The following EPM2A variants were observed in gnomAD, a reference collection of about 807,000 sequenced individuals.
EPM2A encodes the protein EPM2A glucan phosphatase, laforin, also known as laforin.
Under a neutral mutation model 26.5 loss-of-function variants are expected in EPM2A, and 21 were observed. The ratio of observed to expected loss-of-function variants is 0.79; its 90% CI spans 0.56 to 1.14. The LOEUF (loss-of-function observed/expected upper bound fraction) is 1.14, where lower values mean the gene tolerates loss of function less well. Ranked by LOEUF, EPM2A falls within the 50% of genes most tolerant of loss-of-function variation. EPM2A has a pLI of 0.00. For synonymous variants in EPM2A, 217 were observed against 177.6 expected (o/e 1.22, Z -1.76); for missense variants, 458 against 440.8 (o/e 1.04, Z -0.35).
At chr6:145,432,620 T>A (rs1371163393) in intron 4 of EPM2A, among the ~76,000 whole-genome samples, 2 of 151,886 alleles carry the variant, frequency 1.3e-5, no homozygotes, top group African/African-American at 4.8e-5. Flanking sequence ...ACAGTTCAAG[T>A]AGGTTTAGTG....
chr6:145,506,807 C>T (rs891447762), intron 2 of EPM2A, among the ~76,000 whole-genome samples: 3 of 152,186 alleles, frequency 2.0e-5, no homozygotes, highest in Non-Finnish European at 2.9e-5. Flanking sequence ...GGAGGCCACA[C>T]TGACCAGCCT....
intron 2 of EPM2A, among the ~76,000 whole-genome samples, chr6:145,610,787 A>G (rs1026812801): frequency 5.3e-5 from 8 of 152,270 alleles, no homozygotes; most frequent in Admixed American, 2.6e-4. Flanking sequence ...CTTTCAATTG[A>G]ATAGTGGTCA....
At chr6:145,597,730 TC>T (rs1295577260) in intron 2 of EPM2A, among the ~76,000 whole-genome samples, 5 of 152,104 alleles carry the variant, frequency 3.3e-5, no homozygotes. Flanking sequence ...CTCTTTCCTT[TC>T]ACCCTCAAGA....
At chr6:145,638,183 T>G (rs1282057054) in intron 2 of EPM2A, 3 of 152,214 alleles carry the variant, frequency 2.0e-5, no homozygotes, top group Non-Finnish European at 2.9e-5. Context: ...GAGTGGGTAC[T>G]AGTTAGTATT....
chr6:145,626,188 G>C lies in EPM2A; in HGVS notation c.*1228C>G. Reference sequence around the variant, plus strand: ...ATGGTCCAATCCTGCATTACAGTTGGTTGAATGCAGGTCTGTTTCTAGGCA... The same window carrying C: ...ATGGTCCAATCCTGCATTACAGTTGCTTGAATGCAGGTCTGTTTCTAGGCA... On this transcript the variant is annotated 3_prime_UTR_variant, in exon 4 of 4. Transcript: ENST00000367519. 1.0e-6 allele frequency: 1 copy of C among 997,380 alleles called. No homozygotes were observed. The highest frequency in any genetic ancestry group is 1.2e-6 in the Non-Finnish European group (1 of 836,944). The allele number at this position is 997,380 out of a possible 1,614,324, so 61.8% of individuals were successfully genotyped here. A position where few individuals can be genotyped will look rare whatever the true frequency, so the allele number is the denominator to read the frequency against.
At chr6:145,665,828 G>C (rs1208438143) in intron 2 of EPM2A, among the ~76,000 whole-genome samples, 1 of 139,576 alleles carries the variant, frequency 7.2e-6, no homozygotes, top group Admixed American at 7.3e-5. Context: ...GATCAAGTGG[G>C]CTTCATCCCT....
At chr6:145,619,159 CA>C (rs56846417) in intron 2 of EPM2A, among the ~76,000 whole-genome samples, 10,389 of 136,964 alleles carry the variant, frequency 0.076, 1,145 homozygotes, top group African/African-American at 0.25. Flanking sequence ...GGAGGTCTGG[CA>C]AAAAAAAAAA....
At chr6:145,518,387 T>A (rs1780158053) in intron 2 of EPM2A, among the ~76,000 whole-genome samples, 1 of 152,108 alleles carries the variant, frequency 6.6e-6, no homozygotes, top group African/African-American at 2.4e-5. Context: ...GCATGCCTAC[T>A]GTTCAAGCCA....
chr6:145,596,132 A>T (rs1781340872), intron 2 of EPM2A, among the ~76,000 whole-genome samples: 1 of 152,226 alleles, frequency 6.6e-6, no homozygotes, highest in African/African-American at 2.4e-5. Flanking sequence ...TATCAGTAAT[A>T]CTTGTGATTA....
At chr6:145,559,432 T>C (rs1431340321) in intron 2 of EPM2A, among the ~76,000 whole-genome samples, 1 of 152,110 alleles carries the variant, frequency 6.6e-6, no homozygotes, top group Non-Finnish European at 1.5e-5. Context: ...GTTTCTATTA[T>C]CAAAATAGCA....
chr6:145,491,896 G>T, intron 4 of EPM2A: 1 of 490,540 alleles, frequency 2.0e-6, no homozygotes, highest in Admixed American at 2.3e-5. Flanking sequence ...AGGTTCCTGG[G>T]TAAATTGAAA....
chr6:145,406,457 C>T (rs59268694), intron 4 of EPM2A, among the ~76,000 whole-genome samples: 2,846 of 152,210 alleles, frequency 0.019, 95 homozygotes, highest in African/African-American at 0.064. Flanking sequence ...ACTCTTAAGG[C>T]GGTAACAATT....
chr6:145,464,970 G>A (rs1028433588), intron 4 of EPM2A, among the ~76,000 whole-genome samples: 12 of 151,940 alleles, frequency 7.9e-5, no homozygotes, highest in African/African-American at 2.4e-4. Flanking sequence ...TGCTCTTCCC[G>A]AGGAGTATCT....
At chr6:145,435,124 ACTT>A (rs1178986023) in intron 4 of EPM2A, among the ~76,000 whole-genome samples, 2 of 152,074 alleles carry the variant, frequency 1.3e-5, no homozygotes, top group Non-Finnish European at 2.9e-5. Flanking sequence ...AGCCAATTAA[ACTT>A]CTTTTTATTT....
chr6:145,625,415 C>A lies in EPM2A; in HGVS notation c.*2001G>T. 2.5e-6 allele frequency: 1 copy of A among 401,018 alleles called. No individual in the cohort carries two copies. Among genetic ancestry groups the A allele is most frequent in the Non-Finnish European group, 4.5e-6 (1 of 221,690 alleles). 24.8% of individuals were successfully genotyped at this position (401,018 alleles called of 1,614,324 possible). Reference sequence around the variant, plus strand: ...TATTCCAAAACATTCTTTAATAGTCCTAAACTGATTTTGTCTATCAGAGCA... The same window carrying A: ...TATTCCAAAACATTCTTTAATAGTCATAAACTGATTTTGTCTATCAGAGCA... On this transcript the variant is annotated 3_prime_UTR_variant, in exon 4 of 4. Transcript: ENST00000367519.
intron 4 of EPM2A, among the ~76,000 whole-genome samples, chr6:145,450,123 G>A (rs904818096): frequency 6.6e-6 from 1 of 151,896 alleles, no homozygotes; most frequent in African/African-American, 2.4e-5. Flanking sequence ...GGAGGCCGAG[G>A]TGGGCAGATC....
At chr6:145,574,658 T>A (rs1781005681) in intron 2 of EPM2A, among the ~76,000 whole-genome samples, 1 of 152,184 alleles carries the variant, frequency 6.6e-6, no homozygotes, top group South Asian at 2.1e-4. Context: ...TCCCTAAGCC[T>A]TTGGATCCCT....
chr6:145,557,036 A>G (rs1006709443), intron 2 of EPM2A, among the ~76,000 whole-genome samples: 1 of 152,152 alleles, frequency 6.6e-6, no homozygotes, highest in Non-Finnish European at 1.5e-5. Context: ...GGCAAAACAG[A>G]AAATAAAAGT....
chr6:145,707,384 G>C (rs1420015222), intron 1 of EPM2A, among the ~76,000 whole-genome samples: 1 of 152,168 alleles, frequency 6.6e-6, no homozygotes, highest in Admixed American at 6.5e-5. Flanking sequence ...ACCATACTAA[G>C]AAGTTTAGAC....
Sources: allele counts gnomAD v4.1 joint callset (sites outside exome capture counted in the v4.1 genomes callset), GRCh38; gene constraint gnomAD v4.1.1; transcripts MANE v1.5; gene names NCBI Gene and HGNC (gene_info 2026-07-23, HGNC 2026-07-21).